Variants in UVSSA observed in about 807,000 individuals in gnomAD.
The protein encoded by UVSSA is UV-stimulated scaffold protein A.
In UVSSA, 72 loss-of-function variants were observed where a neutral mutation model predicts 73.9. The observed-to-expected ratio is 0.97, with a 90% CI of 0.81 to 1.19. The LOEUF is 1.19. Ranked by LOEUF, UVSSA falls within the 50% of genes most tolerant of loss-of-function variation. UVSSA has a pLI of 0.00. For missense variants in UVSSA, 1,150 were observed against 965.0 expected (o/e 1.19, Z -2.54); for synonymous variants, 454 against 391.3 (o/e 1.16, Z -1.89).
At chr4:1,346,295 G>T (rs1449972435), upstream of UVSSA, among the ~76,000 whole-genome samples, 4 of 152,214 alleles carry the variant, frequency 2.6e-5, no homozygotes, top group East Asian at 1.9e-4. Context: ...CCCGCCGCCG[G>T]CGGCCCCCGC....
At chr4:1,372,102 TTCTAG>T (rs1298069315) in intron 8 of UVSSA, among the ~76,000 whole-genome samples, 1 of 152,236 alleles carries the variant, frequency 6.6e-6, no homozygotes, top group Non-Finnish European at 1.5e-5. Flanking sequence ...AATCCAGCTT[TTCTAG>T]TACCCACATA....
intron 3 of UVSSA, among the ~76,000 whole-genome samples, chr4:1,350,966 C>T (rs914440381): frequency 6.6e-6 from 1 of 152,028 alleles, no homozygotes; most frequent in African/African-American, 2.4e-5. Flanking sequence ...AGTGCAGTGG[C>T]GCGATCTCGG....
At chr4:1,365,498 C>T (rs11936191) in intron 7 of UVSSA, among the ~76,000 whole-genome samples, 3,936 of 152,318 alleles carry the variant, frequency 0.026, 154 homozygotes, top group African/African-American at 0.088. Context: ...GAAAGCAAGC[C>T]TTCCTGCCAT....
chr4:1,376,655 C>T (rs1042461894), intron 10 of UVSSA, among the ~76,000 whole-genome samples: 2 of 152,208 alleles, frequency 1.3e-5, no homozygotes, highest in Non-Finnish European at 2.9e-5. Flanking sequence ...ACCGCACTGG[C>T]CTCTTCTCTG....
At chr4:1,360,364 C>T (rs1451722901) in intron 7 of UVSSA, among the ~76,000 whole-genome samples, 1 of 151,884 alleles carries the variant, frequency 6.6e-6, no homozygotes, top group East Asian at 1.9e-4. Context: ...CCAGACAAGC[C>T]CAGCGCTCCT....
chr4:1,370,703 T>C (rs1298368487), intron 8 of UVSSA, among the ~76,000 whole-genome samples: 9 of 152,230 alleles, frequency 5.9e-5, no homozygotes, highest in Non-Finnish European at 1.3e-4. Context: ...TGGGCTGGAC[T>C]TGGCTCATAG....
In UVSSA at chr4:1,353,146, A is replaced by G; in HGVS notation, c.667A>G (p.Met223Val). Residue 223 changes from methionine to valine, a missense_variant, in exon 5 of 14, where the codon ATG (methionine) becomes GTG (valine). Met to Val is a conservative substitution (Grantham distance 21, BLOSUM62 1). Transcript: ENST00000389851. ...ETESLGMASG[M>V]SDALRSSCAG... ...GGAATCCCTTGGCATGGCTTCTGGC[A>G]TGTCCGATGCCCTTCGCTCCTCCTG... The G allele has an allele frequency of 6.2e-7, 1 of 1,613,012 alleles. No individual in the cohort carries two copies. The highest frequency in any genetic ancestry group is 8.5e-7 in the Non-Finnish European group (1 of 1,180,010).
chr4:1,371,936 G>A (rs1206786892), intron 8 of UVSSA, among the ~76,000 whole-genome samples: 1 of 152,206 alleles, frequency 6.6e-6, no homozygotes. Flanking sequence ...CTTCCCAAGA[G>A]GGTTCGCCGA....
chr4:1,378,330 A>G (rs1719021349), intron 10 of UVSSA, among the ~76,000 whole-genome samples: 1 of 152,188 alleles, frequency 6.6e-6, no homozygotes, highest in Non-Finnish European at 1.5e-5. Flanking sequence ...AGGCAGGTGG[A>G]TCACTTGAGG....
At chr4:1,368,846 G>T (rs540047143) in intron 8 of UVSSA, among the ~76,000 whole-genome samples, 2 of 152,374 alleles carry the variant, frequency 1.3e-5, no homozygotes, top group Non-Finnish European at 2.9e-5. Flanking sequence ...CACAGCTGGT[G>T]CACTGGCGGC....
chr4:1,357,642 C>A (rs1342129310), intron 7 of UVSSA, among the ~76,000 whole-genome samples: 1 of 152,252 alleles, frequency 6.6e-6, no homozygotes, highest in Non-Finnish European at 1.5e-5. Context: ...CACATCTCCA[C>A]CTCACCCTGG....
intron 8 of UVSSA, among the ~76,000 whole-genome samples, chr4:1,373,679 G>C (rs1432249410): frequency 1.3e-5 from 2 of 152,112 alleles, no homozygotes; most frequent in Non-Finnish European, 2.9e-5. Flanking sequence ...TTCTTCAACT[G>C]TTTTCTGCAC....
At chr4:1,355,929 T>A (rs1257350513) in intron 7 of UVSSA, among the ~76,000 whole-genome samples, 1 of 152,116 alleles carries the variant, frequency 6.6e-6, no homozygotes, top group African/African-American at 2.4e-5. Context: ...TTGAACTGGC[T>A]GAGCATGGAA....
rs116541454 is a variant in UVSSA at position 1,395,335 on chromosome 4, G to A, written c.*9374G>A. The stretch of plus-strand genomic sequence containing the variant: ...TGGAGTGCCCGCCTGCTCACGTGCC[G>A]ATGTGGGGTGCCCGCCTGCTCACAT... On this transcript the variant is annotated 3_prime_UTR_variant, in exon 14 of 14. Transcript: ENST00000511216. 77 of 1,446,542 alleles carry A rather than the reference G, an allele frequency of 5.3e-5. 1 individual carries two copies. Among genetic ancestry groups the A allele is most frequent in the African/African-American group, 1.6e-4 (8 of 51,388 alleles). The allele number at this position is 1,446,542 out of a possible 1,614,324, so 89.6% of individuals were successfully genotyped here.
rs1381315514 is a variant in UVSSA, at chr4:1,380,153, A to G, written c.1675A>G (p.Lys559Glu). The change falls in exon 11 of 14, where the codon AAG (lysine) becomes GAG (glutamate). Residue 559 changes from lysine (K) to glutamate (E), a missense_variant. Transcript: ENST00000389851. ...LRSRHITFAG[K>E]FEPVQHWCRA... ...GAGCCGCCACATCACTTTTGCCGGG[A>G]AGTTTGAGCCTGTGCAGCACTGGTG... 6.2e-7 allele frequency: 1 copy of G among 1,613,012 alleles called. No individual in the cohort carries two copies. Among genetic ancestry groups the G allele is most frequent in the South Asian group, 1.1e-5 (1 of 91,052 alleles).
Position 1,354,794 on chromosome 4 carries a change from A to C in UVSSA, c.994A>C (p.Thr332Pro). 3 of 1,613,264 alleles carry C rather than the reference A, an allele frequency of 1.9e-6. No homozygotes were observed. The highest frequency in any genetic ancestry group is 2.5e-6 in the Non-Finnish European group (3 of 1,179,858). Residue 332 changes from threonine (T) to proline (P), a missense_variant, in exon 6 of 14, where the codon ACA becomes CCA. By Grantham distance (38) the Thr-to-Pro change is conservative. Coordinates refer to ENST00000389851, the MANE Select transcript of UVSSA (RefSeq NM_020894.4). ...NLALIHAARD[T>P]LKLIRNKFLP... ...TGCTCTCATCCACGCCGCCCGCGAC[A>C]CACTCAAGCTCATCCGGAACAAGTT...
At chr4:1,358,039 T>C (rs1716048879) in intron 7 of UVSSA, 1 of 152,314 alleles carries the variant, frequency 6.6e-6, no homozygotes, top group Non-Finnish European at 1.5e-5. Flanking sequence ...ACGCCCCACG[T>C]GGTGGAGCCG....
intron 7 of UVSSA, among the ~76,000 whole-genome samples, chr4:1,364,800 A>C (rs923547866): frequency 1.3e-5 from 2 of 151,734 alleles, no homozygotes; most frequent in African/African-American, 4.8e-5. Flanking sequence ...CACCCTGGCC[A>C]CCCTGGGGGC....
Position 1,386,228 on chromosome 4 carries a change from C to A in UVSSA, c.*267C>A. 2.2e-6 allele frequency: 1 copy of A among 448,918 alleles called. No homozygotes were observed. Among genetic ancestry groups the A allele is most frequent in the Non-Finnish European group, 4.1e-6 (1 of 242,874 alleles). 27.8% of individuals were successfully genotyped at this position (448,918 alleles called of 1,614,324 possible). On this transcript the variant is annotated 3_prime_UTR_variant, in exon 14 of 14. Coordinates refer to ENST00000389851, the MANE Select transcript of UVSSA (RefSeq NM_020894.4). ...GCAGCGACCCTGTTCCAGAGGGCTT[C>A]TGCGAGTCCTCGTGAGACCAGTGCT...
Sources: gnomAD v4.1 joint callset for allele counts (sites outside exome capture counted in the v4.1 genomes callset) on GRCh38, gnomAD v4.1.1 for gene constraint, MANE v1.5 for transcripts, NCBI Gene and HGNC (gene_info 2026-07-23, HGNC 2026-07-21) for gene names.